POLD1: variants seen among roughly 807,000 people sequenced by gnomAD.
The protein encoded by POLD1 is DNA polymerase delta 1, catalytic subunit.
A neutral mutation model predicts 129.7 loss-of-function variants in POLD1; 79 were observed. That is an observed-to-expected ratio of 0.61 (90% CI 0.51 to 0.73). The LOEUF is 0.73. POLD1 is among the 30% of genes least tolerant of loss of function. The pLI, the probability that POLD1 is intolerant of heterozygous loss-of-function variation, is 0.00. For synonymous variants in POLD1, 714 were observed against 683.3 expected, an observed-to-expected ratio of 1.04 and a Z score of -0.70; for missense variants, 1,338 against 1,595.8, an observed-to-expected ratio of 0.84 and a Z score of 2.75.
intron 26 of POLD1, 74 bp from the exon 27 acceptor site, chr19:50,417,768 C>A: frequency 1.1e-6 from 1 of 900,012 alleles, no homozygotes; most frequent in Non-Finnish European, 1.8e-6. Flanking sequence ...GTCCTGGGAA[C>A]AGCCCCCACC....
intron 19 of POLD1, 79 bp from the exon 20 acceptor site, chr19:50,414,736 C>A: frequency 8.3e-7 from 1 of 1,208,638 alleles, no homozygotes; most frequent in Non-Finnish European, 1.1e-6. Flanking sequence ...ACCCTGTCTA[C>A]CTTCAGTTTC....
At position 50,409,166 on chromosome 19, in the gene POLD1, T is replaced by C. The variant is rs767518281; in HGVS notation, c.1937T>C (p.Phe646Ser). ...ATCAGGACCCCCACCGGGGACGAGTTTGTGAAGACCTCAGTGCGGAAGGGG... is the reference window on the plus strand; with the variant it reads ...ATCAGGACCCCCACCGGGGACGAGTCTGTGAAGACCTCAGTGCGGAAGGGG... ...QFIRTPTGDE[F>S]VKTSVRKGLL... is the part of the protein sequence containing the mutation. The change falls in exon 16 of 27, where the codon TTT (phenylalanine) becomes TCT (serine). Residue 646 changes from phenylalanine (F) to serine (S), a missense_variant. This residue lies in a region of POLD1 where 720 missense variants were observed against 1,002.6 expected (regional missense o/e 0.72). Coordinates refer to ENST00000440232, the MANE Select transcript of POLD1 (RefSeq NM_002691.4). The surrounding 1 kb of genome is among the most constrained non-coding windows in gnomAD (Gnocchi z 5.8). The C allele has an allele frequency of 3.1e-6, 5 of 1,613,692 alleles. No individual in the cohort carries two copies. The highest frequency in any genetic ancestry group is 2.2e-5 in the East Asian group (1 of 44,882).
Position 50,409,685 on chromosome 19 carries a change from G to C in POLD1, c.2154+19G>C. ...CTCACAGGTGGGCACTCGGGCCCCT[G>C]GAAGGCAACTGGGGGCAGGTGGGCC... On this transcript the variant is annotated intron_variant, in intron 17 of 26. Transcript: ENST00000440232. This position sits in a 1 kb window ranked among gnomAD's most constrained non-coding sequence, Gnocchi z 5.8. The C allele has an allele frequency of 6.3e-7, 1 of 1,584,952 alleles. No homozygotes were observed.
rs1014694704 is a variant in POLD1, at chr19:50,413,813, G to C, written c.2322G>C (p.Leu774=). Residue 774 remains leucine (L), a synonymous_variant, in exon 19 of 27, where the codon CTG becomes CTC. Transcript: ENST00000440232. ...CCTCGGTGGCTGAGGCGATGGCCCT[G>C]GGGCGGGAGGCCGCGGACTGGGTGT... ...GVSSVAEAMA[L]GREAADWVSG... 2 of 1,612,512 alleles carry C rather than the reference G, an allele frequency of 1.2e-6. No individual in the cohort carries two copies. Among genetic ancestry groups the C allele is most frequent in the Non-Finnish European group, 1.7e-6 (2 of 1,179,584 alleles).
At chr19:50,410,541 A>G (rs2039054995) in intron 17 of POLD1, among the ~76,000 whole-genome samples, 3 of 152,214 alleles carry the variant, frequency 2.0e-5, no homozygotes, top group Admixed American at 6.5e-5. Flanking sequence ...CTCAGAGAGC[A>G]GAAAAGCTGG....
rs2122234409 is a variant in POLD1, at chr19:50,401,895, C to T, written c.434C>T (p.Ala145Val). ...GTCTGCTGCCACATCCACGGCTTCG[C>T]TCCCTACTTCTACACCCCAGCGCCC... Reference protein sequence around the residue: ...FSVCCHIHGFAPYFYTPAPPG... With the variant: ...FSVCCHIHGFVPYFYTPAPPG... The change falls in exon 4 of 27, where the codon GCT becomes GTT. Residue 145 changes from alanine to valine, a missense_variant. Ala to Val is a moderately conservative substitution (Grantham distance 64). Around this residue, in one of 3 missense-constraint regions of POLD1, gnomAD observed 332 missense variants for 315.7 expected, o/e 1.05. Coordinates refer to ENST00000440232, the MANE Select transcript of POLD1 (RefSeq NM_002691.4). 1 of 1,614,106 alleles carries T rather than the reference C, an allele frequency of 6.2e-7. No individual in the cohort carries two copies. The highest frequency in any genetic ancestry group is 8.5e-7 in the Non-Finnish European group (1 of 1,179,988).
At chr19:50,391,433 C>T (rs572242827) in intron 1 of POLD1, among the ~76,000 whole-genome samples, 6 of 152,180 alleles carry the variant, frequency 3.9e-5, no homozygotes, top group Admixed American at 2.0e-4. Flanking sequence ...AGCGAGACTC[C>T]GTCTGCAATC....
chr19:50,402,942 G>T lies in POLD1; in HGVS notation c.971-111G>T, dbSNP rs1394721164. ...CAGAGCAGGAGCCAGGGTGAGCCAC[G>T]TAGGGCCGGCAGGCAGCGGGGACAG... On this transcript the variant is annotated intron_variant, in intron 8 of 26. Transcript: ENST00000440232. 9.2e-6 allele frequency: 13 copies of T among 1,416,998 alleles called. No individual in the cohort carries two copies. In the East Asian group the frequency reaches 3.0e-4, roughly 33 times the overall value. The allele number at this position is 1,416,998 out of a possible 1,614,324, so 87.8% of individuals were successfully genotyped here. A position where few individuals can be genotyped will look rare whatever the true frequency, so the allele number is the denominator to read the frequency against.
chr19:50,405,832 G>A (rs1386487915), intron 10 of POLD1, among the ~76,000 whole-genome samples: 2 of 152,076 alleles, frequency 1.3e-5, no homozygotes, highest in Non-Finnish European at 2.9e-5. Context: ...GCTCCACGCC[G>A]CCTCCTGCCT....
chr19:50,389,880 C>G (rs985614453), intron 1 of POLD1, among the ~76,000 whole-genome samples: 3 of 150,214 alleles, frequency 2.0e-5, no homozygotes, highest in Admixed American at 6.6e-5. Flanking sequence ...GCCACCATGT[C>G]CAGCCTGTTT....
chr19:50,401,391 A>ATATATATATATTTTT (rs1334231607), intron 3 of POLD1, among the ~76,000 whole-genome samples: 2 of 65,990 alleles, frequency 3.0e-5, no homozygotes, highest in African/African-American at 1.4e-4. Context: ...ATATATATAT[A>ATATATATATATTTTT]TTTTTTTTTT....
intron 1 of POLD1, among the ~76,000 whole-genome samples, chr19:50,391,271 A>C (rs1239246621): frequency 6.6e-6 from 1 of 150,832 alleles, no homozygotes; most frequent in Non-Finnish European, 1.5e-5. Context: ...CCAGGCAGAG[A>C]TGCTCCTCAC....
chr19:50,386,362 C>T (rs771746003), intron 1 of POLD1, among the ~76,000 whole-genome samples: 1 of 151,630 alleles, frequency 6.6e-6, no homozygotes, highest in Non-Finnish European at 1.5e-5. Context: ...GGTCTCGAAT[C>T]CCTGACCTCA....
At chr19:50,408,702 T>A in intron 14 of POLD1, 83 bp from the exon 15 acceptor site, 3 of 1,543,070 alleles carry the variant, frequency 1.9e-6, no homozygotes, top group African/African-American at 2.8e-5. Flanking sequence ...TTTTTTTTTT[T>A]AAAGGGTGAG....
rs2122238184 is a variant in POLD1, at chr19:50,402,037, C to G, written c.502C>G (p.Leu168Val). 6.2e-7 allele frequency: 1 copy of G among 1,614,124 alleles called. No homozygotes were observed. Among genetic ancestry groups the G allele is most frequent in the Non-Finnish European group, 8.5e-7 (1 of 1,179,992 alleles). ...PEHMGDLQRELNLAISRDSRG... is the reference protein window; with the variant it reads ...PEHMGDLQREVNLAISRDSRG... ...GCACATGGGTGACCTGCAACGGGAG[C>G]TGAACTTGGCCATCAGCCGGGACAG... is the stretch of plus-strand genomic sequence containing the variant. The change falls in exon 5 of 27, where the codon CTG becomes GTG. Residue 168 changes from leucine to valine, a missense_variant. Around this residue, in one of 3 missense-constraint regions of POLD1, gnomAD observed 332 missense variants for 315.7 expected, o/e 1.05. Coordinates refer to ENST00000440232, the MANE Select transcript of POLD1 (RefSeq NM_002691.4).
At chr19:50,391,291 G>A (rs537690609) in intron 1 of POLD1, among the ~76,000 whole-genome samples, 254 of 152,178 alleles carry the variant, frequency 1.7e-3, no homozygotes, top group African/African-American at 5.7e-3. Context: ...CTTCCCAGAC[G>A]GGGTGGCGGC....
At chr19:50,413,695 C>T (rs1187732121) in intron 18 of POLD1, 47 bp from the exon 19 acceptor site, 12 of 1,563,794 alleles carry the variant, frequency 7.7e-6, no homozygotes, top group Non-Finnish European at 1.0e-5. Flanking sequence ...CAGTAGTTGA[C>T]AGAAGGGACC....
At chr19:50,395,588 A>G (rs1476278961) in intron 1 of POLD1, among the ~76,000 whole-genome samples, 1 of 151,842 alleles carries the variant, frequency 6.6e-6, no homozygotes, top group Admixed American at 6.6e-5. Flanking sequence ...CGTCTCCAAA[A>G]AAAAAAAAAA....
rs1173822798 is a variant in POLD1, at chr19:50,401,387, ATATATTTTTTTTT to A, written c.317-389_317-377del. 1.0e-3 allele frequency among the ~76,000 whole-genome samples: 61 copies of A among 59,166 alleles called. No individual in the cohort carries two copies. The South Asian group carries it at 0.025, about 24-fold the overall frequency. The allele number at this position is 59,166 out of a possible 152,430, so 38.8% of individuals were successfully genotyped here. ...TATGTGTATATATATATATATATAT[ATATATTTTTTTTT>A]TTTTTTTTTTTTTTTCTTTTTTTTG... is the stretch of plus-strand genomic sequence containing the variant. On this transcript the variant is annotated intron_variant, in intron 3 of 26. Transcript: ENST00000440232.
Sources: gnomAD v4.1 joint callset for allele counts (sites outside exome capture counted in the v4.1 genomes callset) on GRCh38, gnomAD v4.1.1 for gene constraint, gnomAD v4.1.1 regional missense constraint, Gnocchi (gnomAD v3.1) non-coding constraint, MANE v1.5 for transcripts, NCBI Gene and HGNC (gene_info 2026-07-23, HGNC 2026-07-21) for gene names.